POFUT1: variants seen among roughly 807,000 people sequenced by gnomAD.
POFUT1 encodes protein O-fucosyltransferase 1.
POFUT1 carries 16 observed loss-of-function variants against 42.4 expected under a neutral mutation model. The observed-to-expected ratio is 0.38, with a 90% CI of 0.26 to 0.57. The LOEUF is 0.57. Among genes scored for constraint, POFUT1 ranks in the 20% least tolerant of loss-of-function variants. The pLI is 0.71. For missense variants in POFUT1, 470 were observed against 504.6 expected (o/e 0.93, Z 0.66); for synonymous variants, 206 against 205.4 (o/e 1.00, Z -0.03).
At position 32,216,740 on chromosome 20, in the gene POFUT1, G is replaced by A. The variant is rs751678110; in HGVS notation, c.542+19G>A. ...GCCAGAGGTACTTGGAGGGGGTAGC[G>A]TTTCTGGGTTTAGGGGAGGCGCATG... On this transcript the variant is annotated intron_variant, in intron 4 of 6. Transcript: ENST00000375749. 1.4e-5 allele frequency: 21 copies of A among 1,553,302 alleles called. No individual in the cohort carries two copies. Among genetic ancestry groups the A allele is most frequent in the Admixed American group, 1.0e-4 (6 of 59,858 alleles).
chr20:32,231,156 A>G (rs2047441775), intron 6 of POFUT1, 95 bp downstream of exon 6: 1 of 1,417,812 alleles, frequency 7.1e-7, no homozygotes, highest in South Asian at 1.2e-5. Flanking sequence ...GGGCTCCCCT[A>G]CAAGCCTTTT....
intron 5 of POFUT1, among the ~76,000 whole-genome samples, 185 bp downstream of exon 5, chr20:32,228,640 C>G (rs917015753): frequency 2.6e-5 from 4 of 152,228 alleles, no homozygotes; most frequent in Non-Finnish European, 4.4e-5. Flanking sequence ...TGCCTGCCAG[C>G]CAGGTCTCAC....
intron 6 of POFUT1, 189 bp downstream of exon 6, chr20:32,231,250 C>T (rs1474021446): frequency 2.8e-5 from 17 of 615,074 alleles, no homozygotes; most frequent in Non-Finnish European, 4.8e-5. Context: ...TCCAGGTTTT[C>T]ATCCACTCCT....
intron 1 of POFUT1, 86 bp from the exon 2 acceptor site, chr20:32,209,985 C>G: frequency 6.7e-7 from 1 of 1,494,574 alleles, no homozygotes; most frequent in Non-Finnish European, 9.3e-7. Flanking sequence ...ACTTTCTACC[C>G]CTGGCTCCAC....
chr20:32,236,489 C>T lies in POFUT1; in HGVS notation c.*1828C>T, dbSNP rs2047471569. 6.6e-6 allele frequency: 1 copy of T among 152,180 alleles called. No homozygotes were observed. Among genetic ancestry groups the T allele is most frequent in the Non-Finnish European group, 1.5e-5 (1 of 68,050 alleles). 9.4% of individuals were successfully genotyped at this position (152,180 alleles called of 1,614,324 possible). A position where few individuals can be genotyped will look rare whatever the true frequency, so the allele number is the denominator to read the frequency against. On this transcript the variant is annotated 3_prime_UTR_variant, in exon 7 of 7. Transcript: ENST00000375749. ...GGTAGCTGAGACTGCATGCCCAGCT[C>T]CAAATCACCTTGATTCATATCAGCA...
At chr20:32,230,385 T>A (rs1600394114) in intron 5 of POFUT1, among the ~76,000 whole-genome samples, 1 of 97,000 alleles carries the variant, frequency 1.0e-5, no homozygotes. Context: ...AGACTCCCTC[T>A]CAAAAAAAAA....
chr20:32,231,290 G>A lies in POFUT1; in HGVS notation c.978+229G>A, dbSNP rs150166850. On this transcript the variant is annotated intron_variant, in intron 6 of 6. Coordinates refer to ENST00000375749, the MANE Select transcript of POFUT1 (RefSeq NM_015352.2). ...CTCACGTATCCCTGCTGGGACCTTC[G>A]TGGCCCTATATCATTTCTTCTCTCG... 5.6e-3 allele frequency: 2,999 copies of A among 536,306 alleles called. 154 individuals are homozygous for A. In the Admixed American group the frequency reaches 0.086, roughly 15 times the overall value. The allele number at this position is 536,306 out of a possible 1,614,324, so 33.2% of individuals were successfully genotyped here. A position where few individuals can be genotyped will look rare whatever the true frequency, so the allele number is the denominator to read the frequency against.
intron 6 of POFUT1, among the ~76,000 whole-genome samples, chr20:32,232,960 A>G (rs942771044): frequency 1.3e-5 from 2 of 152,230 alleles, no homozygotes; most frequent in South Asian, 2.1e-4. Context: ...CAGGGCTCAC[A>G]TTCTAGACCC....
Position 32,216,675 on chromosome 20 carries a change from A to G in POFUT1, c.496A>G (p.Thr166Ala). The G allele has an allele frequency of 1.9e-6, 3 of 1,613,830 alleles. No individual in the cohort carries two copies. In the South Asian group the frequency reaches 3.3e-5, roughly 18 times the overall value. Reference sequence around the variant, plus strand: ...GAGTTTCAACAAGTCGGAGCTTTTTACAGGCATTTCCTTCAGTGCTTCCTA... The same window carrying G: ...GAGTTTCAACAAGTCGGAGCTTTTTGCAGGCATTTCCTTCAGTGCTTCCTA... ...HVSFNKSELF[T>A]GISFSASYRE... Residue 166 changes from threonine to alanine, a missense_variant, in exon 4 of 7, where the codon ACA becomes GCA. Physicochemically the swap from Thr to Ala is moderately conservative, Grantham distance 58 (BLOSUM62 0). Transcript: ENST00000375749.
intron 4 of POFUT1, among the ~76,000 whole-genome samples, chr20:32,221,181 G>A (rs2047389394): frequency 6.6e-6 from 1 of 152,096 alleles, no homozygotes; most frequent in Non-Finnish European, 1.5e-5. Flanking sequence ...TGATTAGTAG[G>A]GATGAATTTG....
Position 32,237,951 on chromosome 20 carries a change from T to C in POFUT1, c.*3290T>C, listed in dbSNP as rs1233556331. ...TTCAAAGATACAAATATTTACATAGTTTTAATCATGTAATATATACAATTT... is the reference window on the plus strand; with the variant it reads ...TTCAAAGATACAAATATTTACATAGCTTTAATCATGTAATATATACAATTT... On this transcript the variant is annotated 3_prime_UTR_variant, in exon 7 of 7. Transcript: ENST00000375749. 7.0e-6 allele frequency: 3 copies of C among 430,658 alleles called. No individual in the cohort carries two copies. The allele number at this position is 430,658 out of a possible 1,614,324, so 26.7% of individuals were successfully genotyped here.
Position 32,234,760 on chromosome 20 carries a change from A to C in POFUT1, c.*99A>C. 9.3e-7 allele frequency: 1 copy of C among 1,070,738 alleles called. No homozygotes were observed. Among genetic ancestry groups the C allele is most frequent in the South Asian group, 1.6e-5 (1 of 63,612 alleles). The allele number at this position is 1,070,738 out of a possible 1,614,324, so 66.3% of individuals were successfully genotyped here. On this transcript the variant is annotated 3_prime_UTR_variant, in exon 7 of 7. Coordinates refer to ENST00000375749, the MANE Select transcript of POFUT1 (RefSeq NM_015352.2). ...CAGCCAGAGGTGCTCCGGGATTGCA[A>C]ACTCCTCTTCTCACCTGCCAAAGAT...
In POFUT1 at chr20:32,228,381, A is replaced by G; in HGVS notation, c.661A>G (p.Thr221Ala). The change falls in exon 5 of 7, where the codon ACG becomes GCG. Residue 221 changes from threonine (T) to alanine (A), a missense_variant. Transcript: ENST00000375749. The part of the protein sequence containing the change: ...YMVWSDEMVK[T>A]GEAQIHAHLV... ...GGTATGGTCAGACGAAATGGTGAAG[A>G]CGGGAGAGGCCCAGATTCATGCCCA... The G allele has an allele frequency of 6.2e-7, 1 of 1,614,226 alleles. No individual in the cohort carries two copies.
intron 4 of POFUT1, among the ~76,000 whole-genome samples, chr20:32,227,206 T>G (rs148241533): frequency 6.7e-4 from 102 of 152,266 alleles, no homozygotes; most frequent in African/African-American, 2.4e-3. Flanking sequence ...GAACACAGGT[T>G]TGCTCCTCAT....
At chr20:32,229,734 C>T (rs1218537284) in intron 5 of POFUT1, among the ~76,000 whole-genome samples, 1 of 152,074 alleles carries the variant, frequency 6.6e-6, no homozygotes, top group Non-Finnish European at 1.5e-5. Flanking sequence ...TGTGCTGTGC[C>T]CACCGCCCAG....
intron 4 of POFUT1, among the ~76,000 whole-genome samples, chr20:32,225,211 A>T (rs1258098908): frequency 6.6e-6 from 1 of 152,018 alleles, no homozygotes; most frequent in Non-Finnish European, 1.5e-5. Context: ...ATTTTTTGAG[A>T]CGGAGTCTTG....
At position 32,223,346 on chromosome 20, in the gene POFUT1, G is replaced by C. The variant is rs909134946; in HGVS notation, c.543-4917G>C. The C allele has an allele frequency of 4.1e-6, 4 of 985,282 alleles. No individual in the cohort carries two copies. The East Asian group carries it at 4.5e-4, about 112-fold the overall frequency. 61.0% of individuals were successfully genotyped at this position (985,282 alleles called of 1,614,324 possible). The stretch of plus-strand genomic sequence containing the variant: ...TTACCTCACCAAAAGTAAGTGAGCA[G>C]ATCAGCCTTAGCCTCTTGCTGCTTG... On this transcript the variant is annotated intron_variant, in intron 4 of 6. Coordinates refer to ENST00000375749, the MANE Select transcript of POFUT1 (RefSeq NM_015352.2).
Position 32,237,645 on chromosome 20 carries a change from AG to A in POFUT1, c.*2986del. 3.0e-6 allele frequency: 1 copy of A among 334,426 alleles called. No individual in the cohort carries two copies. Among genetic ancestry groups the A allele is most frequent in the South Asian group, 2.5e-5 (1 of 39,252 alleles). 20.7% of individuals were successfully genotyped at this position (334,426 alleles called of 1,614,324 possible). On this transcript the variant is annotated 3_prime_UTR_variant, in exon 7 of 7. Coordinates refer to ENST00000375749, the MANE Select transcript of POFUT1 (RefSeq NM_015352.2). ...AGGAAGCTTTTAGTTGGAGAGATAC[AG>A]GAAGCCTCCTAGGGTTCTGAGCAGA...
At chr20:32,231,317 G>A in intron 6 of POFUT1, 1 of 476,404 alleles carries the variant, frequency 2.1e-6, no homozygotes, top group Non-Finnish European at 3.9e-6. Context: ...CTTCTCTCGG[G>A]CACTTTCTGG....
Sources: allele counts gnomAD v4.1 joint callset (sites outside exome capture counted in the v4.1 genomes callset), GRCh38; gene constraint gnomAD v4.1.1; transcripts MANE v1.5; gene names NCBI Gene and HGNC (gene_info 2026-07-23, HGNC 2026-07-21).